Variants in DOK6 observed in about 807,000 individuals in gnomAD.
DOK6 encodes docking protein 6, also known as downstream of tyrosine kinase 6.
Under a neutral mutation model 44.0 loss-of-function variants are expected in DOK6, and 22 were observed. The observed-to-expected ratio is 0.50, with a 90% confidence interval of 0.36 to 0.71. The LOEUF is 0.71. Among genes scored for constraint, DOK6 ranks in the 30% least tolerant of loss-of-function variants. DOK6 has a pLI of 0.00. For synonymous variants in DOK6, 166 were observed against 145.5 expected (o/e 1.14, Z -1.01); for missense variants, 340 against 416.4 (o/e 0.82, Z 1.60).
intron 1 of DOK6, among the ~76,000 whole-genome samples, chr18:69,422,933 A>G (rs1360673156): frequency 6.6e-6 from 1 of 152,176 alleles, no homozygotes; most frequent in Non-Finnish European, 1.5e-5. Context: ...TGGAAATTGC[A>G]GAGAGTCACA....
chr18:69,619,590 AG>A (rs1984392966), intron 3 of DOK6, among the ~76,000 whole-genome samples: 1 of 152,250 alleles, frequency 6.6e-6, no homozygotes, highest in African/African-American at 2.4e-5. Flanking sequence ...CTTGGGTAAA[AG>A]TTAGAAAACA....
intron 1 of DOK6, among the ~76,000 whole-genome samples, chr18:69,495,913 A>G (rs1980872724): frequency 6.6e-6 from 1 of 152,184 alleles, no homozygotes; most frequent in South Asian, 2.1e-4. Context: ...CTGGGACAGC[A>G]CCTGGGCTCA....
intron 7 of DOK6, among the ~76,000 whole-genome samples, chr18:69,804,525 C>T (rs1165149910): frequency 6.6e-6 from 1 of 152,122 alleles, no homozygotes; most frequent in African/African-American, 2.4e-5. Flanking sequence ...TAAGGAGATA[C>T]TATGATAAAT....
rs200475816 is a variant in DOK6 at position 69,841,408 on chromosome 18, G to T, written c.*25G>T. On this transcript the variant is annotated 3_prime_UTR_variant, in exon 8 of 8. Transcript: ENST00000382713. ...ACACACAGAGAGCCGCTGTTGACTAGAGAGACAGTCTGTCCTGGACCCGTC... is the reference window on the plus strand; with the variant it reads ...ACACACAGAGAGCCGCTGTTGACTATAGAGACAGTCTGTCCTGGACCCGTC... 1 of 1,613,974 alleles carries T rather than the reference G, an allele frequency of 6.2e-7. No homozygotes were observed. The highest frequency in any genetic ancestry group is 2.2e-5 in the East Asian group (1 of 44,872).
At chr18:69,816,908 C>T (rs1400967545) in intron 7 of DOK6, among the ~76,000 whole-genome samples, 2 of 152,198 alleles carry the variant, frequency 1.3e-5, no homozygotes, top group African/African-American at 4.8e-5. Flanking sequence ...GCAGCAATAT[C>T]TACCAGTAGG....
In DOK6 at chr18:69,521,107, G is replaced by A. The variant is rs572875937; in HGVS notation, c.67-43380G>A. Among the ~76,000 whole-genome samples, 16 of 151,936 alleles carry A rather than the reference G, an allele frequency of 1.1e-4. No individual in the cohort carries two copies. In the South Asian group the frequency reaches 3.1e-3, roughly 30 times the overall value. On this transcript the variant is annotated intron_variant, in intron 1 of 7. Transcript: ENST00000382713. ...GTTGTACACAACAGATATTACTGTA[G>A]TTGCAAACTCATTTTCCAGATTTTT...
At chr18:69,765,044 T>C (rs943579936) in intron 7 of DOK6, among the ~76,000 whole-genome samples, 5 of 152,202 alleles carry the variant, frequency 3.3e-5, no homozygotes, top group African/African-American at 1.2e-4. Context: ...GAATTAGAGA[T>C]AACCTTCAGA....
At chr18:69,457,216 C>A (rs145933624) in intron 1 of DOK6, among the ~76,000 whole-genome samples, 51 of 152,146 alleles carry the variant, frequency 3.4e-4, no homozygotes, top group African/African-American at 1.1e-3. Context: ...GCCAAAAATT[C>A]TTTGCCAAGA....
intron 3 of DOK6, among the ~76,000 whole-genome samples, chr18:69,605,816 A>T (rs1415129342): frequency 6.6e-6 from 1 of 152,152 alleles, no homozygotes; most frequent in Non-Finnish European, 1.5e-5. Context: ...TTCTCCATAG[A>T]CTGGGAAGAC....
chr18:69,425,952 A>C (rs1292657594), intron 1 of DOK6, among the ~76,000 whole-genome samples: 1 of 152,088 alleles, frequency 6.6e-6, no homozygotes, highest in Non-Finnish European at 1.5e-5. Context: ...CACTGCCCTA[A>C]AATCGCAAAG....
intron 1 of DOK6, among the ~76,000 whole-genome samples, chr18:69,475,984 C>G (rs898880890): frequency 2.8e-5 from 4 of 143,512 alleles, no homozygotes; most frequent in South Asian, 2.2e-4. Flanking sequence ...ATGACTGGTC[C>G]CATCACCCAG....
chr18:69,767,633 C>G (rs1424775346), intron 7 of DOK6, among the ~76,000 whole-genome samples: 2 of 152,152 alleles, frequency 1.3e-5, no homozygotes, highest in African/African-American at 4.8e-5. Flanking sequence ...TTAGCTTACC[C>G]TAACTGCCCA....
At chr18:69,770,887 A>G (rs1195482963) in intron 7 of DOK6, among the ~76,000 whole-genome samples, 1 of 151,906 alleles carries the variant, frequency 6.6e-6, no homozygotes, top group Non-Finnish European at 1.5e-5. Flanking sequence ...TTAGGCATTA[A>G]TGCTGACATA....
At chr18:69,529,347 C>T (rs1442670) in intron 1 of DOK6, among the ~76,000 whole-genome samples, 20,846 of 152,098 alleles carry the variant, frequency 0.14, 1,655 homozygotes, top group East Asian at 0.31. Flanking sequence ...TTCAAATTCC[C>T]ATAGTCAGCA....
At chr18:69,460,282 C>G (rs1385811455) in intron 1 of DOK6, among the ~76,000 whole-genome samples, 1 of 152,132 alleles carries the variant, frequency 6.6e-6, no homozygotes, top group Non-Finnish European at 1.5e-5. Flanking sequence ...GGGTGAAAAA[C>G]AGAAAACAGG....
At chr18:69,442,703 G>C (rs557770961) in intron 1 of DOK6, among the ~76,000 whole-genome samples, 3 of 152,162 alleles carry the variant, frequency 2.0e-5, no homozygotes, top group African/African-American at 7.2e-5. Flanking sequence ...TACACATGTT[G>C]CTTATTGTCT....
intron 1 of DOK6, among the ~76,000 whole-genome samples, chr18:69,439,411 C>T (rs991488257): frequency 7.9e-5 from 12 of 152,184 alleles, no homozygotes; most frequent in African/African-American, 2.9e-4. Flanking sequence ...GCTTTGAAGC[C>T]AGGCATTGAC....
At chr18:69,563,081 C>T (rs1446327131) in intron 1 of DOK6, among the ~76,000 whole-genome samples, 1 of 152,176 alleles carries the variant, frequency 6.6e-6, no homozygotes, top group African/African-American at 2.4e-5. Flanking sequence ...CAGAAAAATG[C>T]AAATCAAAAC....
intron 3 of DOK6, among the ~76,000 whole-genome samples, chr18:69,619,932 T>C (rs905805124): frequency 1.3e-5 from 2 of 152,186 alleles, no homozygotes; most frequent in African/African-American, 2.4e-5. Context: ...TAAGAAAATA[T>C]CAAGTAATAA....
Sources: allele counts gnomAD v4.1 joint callset (sites outside exome capture counted in the v4.1 genomes callset), GRCh38; gene constraint gnomAD v4.1.1; transcripts MANE v1.5; gene names NCBI Gene and HGNC (gene_info 2026-07-23, HGNC 2026-07-21).